The following ATXN7 variants were observed in gnomAD, a reference collection of about 807,000 sequenced individuals.
ATXN7 encodes the protein ataxin-7.
ATXN7 carries 12 observed loss-of-function variants against 70.5 expected under a neutral mutation model. The observed-to-expected ratio is 0.17, with a 90% CI of 0.11 to 0.28. The LOEUF (loss-of-function observed/expected upper bound fraction) is 0.28. Ranked by LOEUF, ATXN7 falls within the 10% of genes least tolerant of loss-of-function variation. The pLI, the probability that ATXN7 is intolerant of heterozygous loss-of-function variation, is 1.00. For synonymous variants in ATXN7, 498 were observed against 448.7 expected (o/e 1.11, Z -1.39); for missense variants, 1,256 against 1,131.7 (o/e 1.11, Z -1.58).
At chr3:63,863,662 G>A, upstream of ATXN7, 6 of 1,223,790 alleles carry the variant, frequency 4.9e-6, no homozygotes, top group South Asian at 3.7e-5. Context: ...CTCTGGCGAA[G>A]AGGCCGGGGA....
chr3:63,864,965 A>G (rs1253858420), intron 1 of ATXN7: 1 of 152,166 alleles, frequency 6.6e-6, no homozygotes, highest in Non-Finnish European at 1.5e-5. Context: ...GATAGATACG[A>G]TTAGCACCAG....
At chr3:63,933,664 A>T (rs1484649850) in intron 4 of ATXN7, among the ~76,000 whole-genome samples, 1 of 152,216 alleles carries the variant, frequency 6.6e-6, no homozygotes, top group Non-Finnish European at 1.5e-5. Context: ...CTATAGTTTC[A>T]GCTACTTTTC....
intron 1 of ATXN7, among the ~76,000 whole-genome samples, chr3:63,884,517 A>AC (rs1703022439): frequency 2.0e-5 from 3 of 152,240 alleles, no homozygotes; most frequent in Non-Finnish European, 4.4e-5. Flanking sequence ...ATACTGGTAT[A>AC]AATAAATGGT....
chr3:63,906,049 A>G (rs1703827203), intron 2 of ATXN7, among the ~76,000 whole-genome samples: 1 of 152,134 alleles, frequency 6.6e-6, no homozygotes, highest in Non-Finnish European at 1.5e-5. Context: ...TTGGGAGGAG[A>G]GGAGGACAGG....
chr3:63,983,101 TCTCTAA>T, intron 8 of ATXN7, 80 bp downstream of exon 8: 2 of 1,117,076 alleles, frequency 1.8e-6, no homozygotes, highest in Non-Finnish European at 2.7e-6. Flanking sequence ...TCCCACAGTC[TCTCTAA>T]CCCAGAGAAG....
In ATXN7 at chr3:63,898,505, G is replaced by C. The variant is rs1401607770; in HGVS notation, c.-12+8G>C. On this transcript the variant is annotated splice_region_variant and intron_variant, in intron 2 of 12. Coordinates refer to ENST00000674280, the MANE Select transcript of ATXN7 (RefSeq NM_001377405.1). ...CTACCCTCCAAAGAAAAGGTAACTG[G>C]CTGTTCTGATATCGCAAACACAGTT... 6.6e-6 allele frequency: 1 copy of C among 152,134 alleles called. No individual in the cohort carries two copies. Among genetic ancestry groups the C allele is most frequent in the East Asian group, 1.9e-4 (1 of 5,198 alleles). The allele number at this position is 152,134 out of a possible 1,614,324, so 9.4% of individuals were successfully genotyped here.
At chr3:63,941,567 G>A (rs2056114) in intron 4 of ATXN7, among the ~76,000 whole-genome samples, 133,498 of 152,232 alleles carry the variant, frequency 0.88, 58,958 homozygotes, top group East Asian at 1. Flanking sequence ...CCTGGTGCCA[G>A]AAAGGTTGGG....
intron 1 of ATXN7, among the ~76,000 whole-genome samples, chr3:63,882,732 G>C (rs1702952928): frequency 6.6e-6 from 1 of 152,108 alleles, no homozygotes; most frequent in Non-Finnish European, 1.5e-5. Context: ...CAGACAGGTT[G>C]ATTGGGACAT....
intron 5 of ATXN7, chr3:63,967,858 A>T: frequency 2.6e-6 from 4 of 1,532,822 alleles, no homozygotes; most frequent in Non-Finnish European, 3.5e-6. Flanking sequence ...GACCCAAATC[A>T]TGATGCAAGC....
intron 4 of ATXN7, among the ~76,000 whole-genome samples, chr3:63,932,160 G>A (rs1397041433): frequency 6.6e-6 from 1 of 152,002 alleles, no homozygotes; most frequent in African/African-American, 2.4e-5. Flanking sequence ...CTTAAAGCAG[G>A]TGTTTGTGCA....
intron 4 of ATXN7, among the ~76,000 whole-genome samples, chr3:63,932,979 C>T (rs1332490672): frequency 1.3e-5 from 2 of 152,230 alleles, no homozygotes; most frequent in African/African-American, 2.4e-5. Context: ...GACATACAGA[C>T]TCTTGGCAGT....
At chr3:63,937,439 T>C (rs1454979054) in intron 4 of ATXN7, among the ~76,000 whole-genome samples, 1 of 152,196 alleles carries the variant, frequency 6.6e-6, no homozygotes, top group Admixed American at 6.5e-5. Context: ...CCTACTCAAA[T>C]CATTTTCAAT....
At chr3:63,967,961 T>A (rs998311413) in intron 5 of ATXN7, 1 of 1,535,892 alleles carries the variant, frequency 6.5e-7, no homozygotes, top group Non-Finnish European at 8.7e-7. Flanking sequence ...GCGCAGGAGC[T>A]GAAAGCTCCA....
At position 63,996,336 on chromosome 3, in the gene ATXN7, G is replaced by A. The variant is rs761085190; in HGVS notation, c.2514G>A (p.Lys838=). 3 of 1,614,148 alleles carry A rather than the reference G, an allele frequency of 1.9e-6. No individual in the cohort carries two copies. The highest frequency in any genetic ancestry group is 2.2e-5 in the South Asian group (2 of 91,080). The part of the protein sequence containing the change: ...PLDKLIGKKR[K]CSPSSSSINN... ...ACAAACTCATAGGAAAGAAAAGAAAGTGCTCACCCAGCTCGAGCAGCATCA... is the reference window on the plus strand; with the variant it reads ...ACAAACTCATAGGAAAGAAAAGAAAATGCTCACCCAGCTCGAGCAGCATCA... The change falls in exon 12 of 13, where the codon AAG becomes AAA. Residue 838 remains lysine, a synonymous_variant. Coordinates refer to ENST00000674280, the MANE Select transcript of ATXN7 (RefSeq NM_001377405.1).
chr3:63,890,854 T>C (rs1203193079), intron 1 of ATXN7, among the ~76,000 whole-genome samples: 2 of 152,192 alleles, frequency 1.3e-5, no homozygotes, highest in East Asian at 3.9e-4. Context: ...AGGAGTGAAA[T>C]TGTGTGGCTC....
chr3:63,956,819 A>G (rs188508944), intron 5 of ATXN7, among the ~76,000 whole-genome samples: 5 of 152,324 alleles, frequency 3.3e-5, no homozygotes, highest in Admixed American at 3.3e-4. Context: ...CCTACTTTTT[A>G]AAGTATGTGT....
chr3:63,978,159 T>G (rs967763272), intron 5 of ATXN7, among the ~76,000 whole-genome samples: 2 of 152,188 alleles, frequency 1.3e-5, no homozygotes, highest in African/African-American at 4.8e-5. Context: ...AAAATCTGGA[T>G]GCCTAGTCCA....
chr3:63,952,835 C>CTTTTTTTTTTTTTTTTTTTT (rs59256288), intron 5 of ATXN7, among the ~76,000 whole-genome samples: 4 of 49,164 alleles, frequency 8.1e-5, no homozygotes, highest in Non-Finnish European at 1.1e-4. Context: ...ATGCATGGGC[C>CTTTTTTTTTTTTTTTTTTTT]TTTTTTTTTT....
intron 2 of ATXN7, among the ~76,000 whole-genome samples, chr3:63,902,755 G>GT (rs1322243796): frequency 6.6e-6 from 1 of 152,042 alleles, no homozygotes; most frequent in Non-Finnish European, 1.5e-5. Context: ...GTGACTTGTA[G>GT]TTTTATCAGT....
Sources: allele counts gnomAD v4.1 joint callset (sites outside exome capture counted in the v4.1 genomes callset), GRCh38; gene constraint gnomAD v4.1.1; transcripts MANE v1.5; gene names NCBI Gene and HGNC (gene_info 2026-07-23, HGNC 2026-07-21).